NETO1: variants seen among roughly 807,000 people sequenced by gnomAD.
NETO1 encodes the protein neuropilin and tolloid like 1, also known as neuropilin and tolloid-like protein 1.
In NETO1, 26 loss-of-function variants were observed where a neutral mutation model predicts 61.3. That is an observed-to-expected ratio of 0.42 (90% CI 0.31 to 0.59). NETO1 has a LOEUF of 0.59. Ranked by LOEUF, NETO1 falls within the 20% of genes least tolerant of loss-of-function variation. NETO1 has a pLI of 0.12. For synonymous variants in NETO1, 225 were observed against 225.8 expected (o/e 1.00, Z 0.03); for missense variants, 531 against 662.8 (o/e 0.80, Z 2.18).
At chr18:72,859,463 T>C (rs73966693) in intron 3 of NETO1, among the ~76,000 whole-genome samples, 3,767 of 152,282 alleles carry the variant, frequency 0.025, 128 homozygotes, top group African/African-American at 0.086. Context: ...ACTTGAGAAT[T>C]GTTTGGCATA....
chr18:72,742,498 T>C (rs532615375), downstream of NETO1: 11 of 152,314 alleles, frequency 7.2e-5, no homozygotes, highest in South Asian at 2.1e-4. Flanking sequence ...TTCCAATGAA[T>C]GGTCATTTGA....
At chr18:72,768,529 C>G (rs1318155891) in intron 7 of NETO1, among the ~76,000 whole-genome samples, 1 of 152,190 alleles carries the variant, frequency 6.6e-6, no homozygotes, top group Non-Finnish European at 1.5e-5. Context: ...AGTCCCACAT[C>G]CTGTGAATGT....
At chr18:72,809,580 C>A (rs1351172520) in intron 4 of NETO1, among the ~76,000 whole-genome samples, 1 of 152,160 alleles carries the variant, frequency 6.6e-6, no homozygotes, top group African/African-American at 2.4e-5. Flanking sequence ...ATGTACAATT[C>A]AGATTTCGAA....
chr18:72,805,157 T>C (rs1599034655), intron 4 of NETO1, among the ~76,000 whole-genome samples: 1 of 152,348 alleles, frequency 6.6e-6, no homozygotes, highest in African/African-American at 2.4e-5. Flanking sequence ...CATTTATTAA[T>C]TGGCCATAGA....
chr18:72,760,535 G>A (rs2070936222), intron 7 of NETO1, among the ~76,000 whole-genome samples: 1 of 152,170 alleles, frequency 6.6e-6, no homozygotes, highest in South Asian at 2.1e-4. Flanking sequence ...AGGTTTATAA[G>A]AGTGTGTGGT....
chr18:72,818,912 T>C (rs2073105800), intron 4 of NETO1, among the ~76,000 whole-genome samples: 2 of 152,214 alleles, frequency 1.3e-5, no homozygotes, highest in Admixed American at 1.3e-4. Flanking sequence ...TATATCAAAA[T>C]GGAAATATAG....
chr18:72,750,818 G>A lies in NETO1; in HGVS notation c.983-198C>T, dbSNP rs2070578729. 3.4e-5 allele frequency among the ~76,000 whole-genome samples: 5 copies of A among 146,764 alleles called. No individual in the cohort carries two copies. The South Asian group carries it at 8.6e-4, about 25-fold the overall frequency. On this transcript the variant is annotated intron_variant, in intron 8 of 10. Coordinates refer to ENST00000327305, the MANE Select transcript of NETO1 (RefSeq NM_138966.5). ...TCGTTTTTCACCAAAAAAATCCACT[G>A]AGCAGCCTTAAAAATAGCCCTCCCT...
rs576557601 is a variant in NETO1 at position 72,845,246 on chromosome 18, G to A, written c.469+13580C>T. The stretch of plus-strand genomic sequence containing the variant: ...ACTGTATCATTAGGGAGAAAAATCC[G>A]TAATGCTATCTGTCAAGTGCTGATC... On this transcript the variant is annotated intron_variant, in intron 4 of 10. Transcript: ENST00000327305. Among the ~76,000 whole-genome samples the A allele has an allele frequency of 1.4e-4, 22 of 152,240 alleles. 1 individual carries two copies. Among genetic ancestry groups the A allele is most frequent in the East Asian group, 9.6e-4 (5 of 5,186 alleles).
intron 7 of NETO1, among the ~76,000 whole-genome samples, chr18:72,770,187 CTT>C (rs1356601213): frequency 6.6e-6 from 1 of 151,858 alleles, no homozygotes; most frequent in African/African-American, 2.4e-5. Context: ...TTATGCTTCT[CTT>C]ATGAATTAAT....
At chr18:72,821,441 C>T (rs1363732445) in intron 4 of NETO1, among the ~76,000 whole-genome samples, 1 of 150,862 alleles carries the variant, frequency 6.6e-6, no homozygotes, top group East Asian at 2.0e-4. Context: ...TGGCACATGC[C>T]TATAATCCAA....
chr18:72,856,906 C>T (rs2074426737), intron 4 of NETO1, among the ~76,000 whole-genome samples: 1 of 152,232 alleles, frequency 6.6e-6, no homozygotes, highest in African/African-American at 2.4e-5. Context: ...AAAATGACAA[C>T]TATAGCCTGC....
At chr18:72,792,458 G>A (rs1265682405) in intron 6 of NETO1, among the ~76,000 whole-genome samples, 1 of 151,570 alleles carries the variant, frequency 6.6e-6, no homozygotes, top group Non-Finnish European at 1.5e-5. Context: ...ACGGTGCGGA[G>A]GGGCTCTTCT....
chr18:72,747,267 C>T lies in NETO1; in HGVS notation c.*912G>A, dbSNP rs894809320. Reference sequence around the variant, plus strand: ...TTTTATATATATTTATATAAAAAGTCGTAAGTAGCAAGCATATGACATAAA... The same window carrying T: ...TTTTATATATATTTATATAAAAAGTTGTAAGTAGCAAGCATATGACATAAA... On this transcript the variant is annotated 3_prime_UTR_variant, in exon 11 of 11. Coordinates refer to ENST00000327305, the MANE Select transcript of NETO1 (RefSeq NM_138966.5). 1 of 151,708 alleles carries T rather than the reference C, an allele frequency of 6.6e-6. No homozygotes were observed. Among genetic ancestry groups the T allele is most frequent in the African/African-American group, 2.4e-5 (1 of 41,338 alleles). The allele number at this position is 151,708 out of a possible 1,614,324, so 9.4% of individuals were successfully genotyped here.
intron 4 of NETO1, among the ~76,000 whole-genome samples, chr18:72,847,385 T>C (rs1327421913): frequency 6.6e-6 from 1 of 152,136 alleles, no homozygotes; most frequent in Non-Finnish European, 1.5e-5. Flanking sequence ...AGCAGAGCTG[T>C]GGAATGGTGG....
chr18:72,824,873 G>A (rs1449350106), intron 4 of NETO1, among the ~76,000 whole-genome samples: 1 of 151,702 alleles, frequency 6.6e-6, no homozygotes, highest in African/African-American at 2.4e-5. Context: ...AGTGAGACTC[G>A]GTCTCAAACA....
chr18:72,777,731 A>G (rs557344619), intron 7 of NETO1, among the ~76,000 whole-genome samples: 1 of 152,316 alleles, frequency 6.6e-6, no homozygotes, highest in South Asian at 2.1e-4. Context: ...GGACAGAACG[A>G]GACTCCATCT....
At chr18:72,772,737 ACACACATC>A (rs2071391258) in intron 7 of NETO1, among the ~76,000 whole-genome samples, 1 of 120,228 alleles carries the variant, frequency 8.3e-6, no homozygotes, top group East Asian at 2.6e-4. Context: ...TCATGTACAC[ACACACATC>A]TCTCTATATA....
chr18:72,861,759 A>AT (rs1281344514), intron 3 of NETO1, among the ~76,000 whole-genome samples: 1 of 152,112 alleles, frequency 6.6e-6, no homozygotes, highest in African/African-American at 2.4e-5. Flanking sequence ...TTTCTCTTCT[A>AT]TTTTAAATGT....
chr18:72,755,254 T>C (rs1222526915), intron 8 of NETO1, among the ~76,000 whole-genome samples: 1 of 152,204 alleles, frequency 6.6e-6, no homozygotes, highest in African/African-American at 2.4e-5. Flanking sequence ...TAGTTGATAG[T>C]GTAACTGCCT....
Sources: allele counts gnomAD v4.1 joint callset (sites outside exome capture counted in the v4.1 genomes callset), GRCh38; gene constraint gnomAD v4.1.1; transcripts MANE v1.5; gene names NCBI Gene and HGNC (gene_info 2026-07-23, HGNC 2026-07-21).